ADK: variants seen among roughly 807,000 people sequenced by gnomAD.
ADK encodes adenosine kinase, also known as N6,N6-dimethyladenosine kinase.
A neutral mutation model predicts 44.7 loss-of-function variants in ADK; 24 were observed. That is an observed-to-expected ratio of 0.54 (90% confidence interval 0.39 to 0.76). ADK has a LOEUF of 0.76. Among genes scored for constraint, ADK ranks in the 30% least tolerant of loss-of-function variants. The probability of loss-of-function intolerance (pLI) is 0.00; values close to 1 mark genes in which losing one functional copy is unlikely to be tolerated. For synonymous variants in ADK, 128 were observed against 142.6 expected, an observed-to-expected ratio of 0.90 and a Z score of 0.73; for missense variants, 321 against 425.1, an observed-to-expected ratio of 0.76 and a Z score of 2.15.
rs139091747 is a variant in ADK, at chr10:74,509,295, C to T, written c.556-15961C>T. The stretch of plus-strand genomic sequence containing the variant: ...GCAACCTCCACCCCCTGGGTTCAAG[C>T]GATTCTCCTGCCTCAGCTTCCTGAG... On this transcript the variant is annotated intron_variant, in intron 6 of 10. Coordinates refer to ENST00000539909, the MANE Select transcript of ADK (RefSeq NM_006721.4). 1,075 of 152,134 alleles carry T rather than the reference C, an allele frequency of 7.1e-3. 7 individuals are homozygous for T. Among genetic ancestry groups the T allele is most frequent in the Non-Finnish European group, 0.013 (878 of 68,096 alleles). The allele number at this position is 152,134 out of a possible 1,614,324, so 9.4% of individuals were successfully genotyped here.
intron 10 of ADK, among the ~76,000 whole-genome samples, chr10:74,695,472 A>ATGTGTGTGTGTGTGTG (rs66502036): frequency 6.7e-6 from 1 of 148,514 alleles, no homozygotes. Flanking sequence ...GTATATATAT[A>ATGTGTGTGTGTGTGTG]TGTGTGTGTG....
In ADK at chr10:74,220,484, A is replaced by G. The variant is rs1358664193; in HGVS notation, c.141-4054A>G. ...CATTCCTTCTGAAACTATTCCAATC[A>G]ATAGAAAAAGAGGGAATCCTCCCTA... On this transcript the variant is annotated intron_variant, in intron 2 of 10. Transcript: ENST00000539909. Among the ~76,000 whole-genome samples, 8 of 152,232 alleles carry G rather than the reference A, an allele frequency of 5.3e-5. No homozygotes were observed. The East Asian group carries it at 1.5e-3, about 29-fold the overall frequency.
chr10:74,347,449 T>A (rs182223643), intron 4 of ADK, among the ~76,000 whole-genome samples: 242 of 152,268 alleles, frequency 1.6e-3, no homozygotes, highest in Non-Finnish European at 2.9e-3. Flanking sequence ...GTCGTGTGCC[T>A]ACACCACCAG....
intron 4 of ADK, among the ~76,000 whole-genome samples, chr10:74,356,807 G>A (rs1043409081): frequency 1.3e-5 from 2 of 152,164 alleles, no homozygotes; most frequent in African/African-American, 4.8e-5. Context: ...TCATGTTCCT[G>A]CACAGTCTAA....
intron 10 of ADK, among the ~76,000 whole-genome samples, chr10:74,695,760 C>T (rs1004752359): frequency 1.1e-4 from 16 of 151,888 alleles, no homozygotes; most frequent in African/African-American, 3.9e-4. Flanking sequence ...CCACCTCAGC[C>T]TCCCAAGTAG....
chr10:74,557,192 A>G (rs982781343), intron 7 of ADK, among the ~76,000 whole-genome samples: 3 of 152,226 alleles, frequency 2.0e-5, no homozygotes. Context: ...GAAACGTGTA[A>G]GAAGTGATTC....
At chr10:74,672,264 A>G (rs1700409148) in intron 10 of ADK, among the ~76,000 whole-genome samples, 1 of 152,172 alleles carries the variant, frequency 6.6e-6, no homozygotes, top group African/African-American at 2.4e-5. Context: ...TGTATTGCAT[A>G]TCTTCTTGTT....
At chr10:74,611,600 C>T (rs1852548326) in intron 9 of ADK, among the ~76,000 whole-genome samples, 1 of 151,600 alleles carries the variant, frequency 6.6e-6, no homozygotes, top group Non-Finnish European at 1.5e-5. Flanking sequence ...GAACCCATCA[C>T]CCAAACAGTG....
intron 6 of ADK, among the ~76,000 whole-genome samples, chr10:74,477,087 T>C (rs1203952259): frequency 1.3e-5 from 2 of 152,226 alleles, no homozygotes; most frequent in African/African-American, 4.8e-5. Context: ...TCTTTTGCCA[T>C]ATCCTCCCAC....
chr10:74,330,825 C>T (rs1332071168), intron 4 of ADK, among the ~76,000 whole-genome samples: 1 of 152,166 alleles, frequency 6.6e-6, no homozygotes, highest in Non-Finnish European at 1.5e-5. Context: ...CCTGATGAGA[C>T]ACCCCAAGAG....
At chr10:74,331,178 T>A (rs1367812647) in intron 4 of ADK, among the ~76,000 whole-genome samples, 3 of 152,246 alleles carry the variant, frequency 2.0e-5, no homozygotes, top group African/African-American at 7.2e-5. Flanking sequence ...AATAAACTAC[T>A]ATGGCTGTGT....
chr10:74,376,216 A>G (rs1391140415), intron 4 of ADK, among the ~76,000 whole-genome samples: 2 of 152,078 alleles, frequency 1.3e-5, no homozygotes, highest in South Asian at 2.1e-4. Flanking sequence ...TTACTCATCT[A>G]TTTCAGAAGG....
At chr10:74,419,259 T>G (rs2126760) in intron 6 of ADK, among the ~76,000 whole-genome samples, 4,863 of 152,188 alleles carry the variant, frequency 0.032, 221 homozygotes, top group African/African-American at 0.098. Context: ...TGCAAAAATA[T>G]TTTTGGTATG....
intron 3 of ADK, among the ~76,000 whole-genome samples, chr10:74,302,118 T>TGTTTG (rs1564642322): frequency 2.3e-4 from 13 of 55,500 alleles, no homozygotes; most frequent in African/African-American, 7.1e-4. Context: ...TGTTTTTTTT[T>TGTTTG]TTTTTTTTTT....
At chr10:74,419,715 T>TAGGG (rs1844493821) in intron 6 of ADK, among the ~76,000 whole-genome samples, 1 of 152,192 alleles carries the variant, frequency 6.6e-6, no homozygotes. Flanking sequence ...TGGTACATTT[T>TAGGG]AGGGAGTTTT....
At chr10:74,386,673 G>T (rs981217618) in intron 4 of ADK, among the ~76,000 whole-genome samples, 4 of 152,106 alleles carry the variant, frequency 2.6e-5, no homozygotes, top group Admixed American at 2.6e-4. Flanking sequence ...TTCTTGAAGT[G>T]GTATTTACTG....
At chr10:74,311,970 A>G (rs928775875) in intron 3 of ADK, among the ~76,000 whole-genome samples, 1 of 152,100 alleles carries the variant, frequency 6.6e-6, no homozygotes, top group Non-Finnish European at 1.5e-5. Context: ...GATGGAGACC[A>G]TCCTGGCCAA....
At chr10:74,243,115 C>G (rs1041126621) in intron 3 of ADK, among the ~76,000 whole-genome samples, 3 of 152,270 alleles carry the variant, frequency 2.0e-5, no homozygotes, top group Non-Finnish European at 4.4e-5. Context: ...AAGGGACCAA[C>G]TGAGCTGTTA....
intron 4 of ADK, among the ~76,000 whole-genome samples, chr10:74,322,406 T>C (rs914368035): frequency 1.3e-5 from 2 of 152,218 alleles, no homozygotes; most frequent in Non-Finnish European, 2.9e-5. Context: ...CTGCCAATTT[T>C]ATGATTAATG....
Sources: allele counts gnomAD v4.1 joint callset (sites outside exome capture counted in the v4.1 genomes callset), GRCh38; gene constraint gnomAD v4.1.1; transcripts MANE v1.5; gene names NCBI Gene and HGNC (gene_info 2026-07-23, HGNC 2026-07-21).